Variants in FBLIM1 observed in about 807,000 individuals in gnomAD.
FBLIM1 encodes filamin-binding LIM protein 1.
FBLIM1 carries 29 observed loss-of-function variants against 37.4 expected under a neutral mutation model. That is an observed-to-expected ratio of 0.77 (90% CI 0.58 to 1.06). The LOEUF (loss-of-function observed/expected upper bound fraction) is 1.06, where lower values mean the gene tolerates loss of function less well. FBLIM1 is among the 50% of genes least tolerant of loss of function. The probability of loss-of-function intolerance (pLI) is 0.00; values close to 1 mark genes in which losing one functional copy is unlikely to be tolerated. For missense variants in FBLIM1, 449 were observed against 505.6 expected (o/e 0.89, Z 1.07); for synonymous variants, 193 against 199.0 (o/e 0.97, Z 0.25).
chr1:15,762,263 T>G (rs767414795), intron 1 of FBLIM1, among the ~76,000 whole-genome samples: 21 of 63,582 alleles, frequency 3.3e-4, no homozygotes, highest in Non-Finnish European at 6.0e-4. Flanking sequence ...CTAATTTGTT[T>G]TTTTTTTTTT....
chr1:15,777,048 CCA>C (rs2069515127), intron 7 of FBLIM1, 120 bp from the exon 8 acceptor site: 1 of 723,244 alleles, frequency 1.4e-6, no homozygotes, highest in African/African-American at 1.8e-5. Context: ...CTCTGCAGTC[CCA>C]TAGCAACGGG....
At chr1:15,783,385 G>T (rs1569882903) in intron 8 of FBLIM1, among the ~76,000 whole-genome samples, 1 of 152,110 alleles carries the variant, frequency 6.6e-6, no homozygotes, top group East Asian at 1.9e-4. Context: ...GACCCAGTCT[G>T]GTCCCAGCTC....
At position 15,759,828 on chromosome 1, in the gene FBLIM1, C is replaced by A. The variant is rs1432579575; in HGVS notation, c.-211+980C>A. ...GGGGTGGGAAAGAGGTTGAGGGAAC[C>A]CCTCCCCTAAGTTGCAGGGTGGGAG... On this transcript the variant is annotated intron_variant, in intron 1 of 8. Transcript: ENST00000375766. Among the ~76,000 whole-genome samples the A allele has an allele frequency of 2.0e-5, 3 of 152,276 alleles. No individual in the cohort carries two copies. The East Asian group carries it at 5.8e-4, about 29-fold the overall frequency.
chr1:15,776,793 T>C (rs1569859633), intron 7 of FBLIM1, among the ~76,000 whole-genome samples: 1 of 128,380 alleles, frequency 7.8e-6, no homozygotes, highest in Admixed American at 9.6e-5. Flanking sequence ...ACCTGGGAGG[T>C]GGAGGTTGCA....
chr1:15,781,390 T>C (rs1309645904), intron 8 of FBLIM1, among the ~76,000 whole-genome samples: 1 of 151,554 alleles, frequency 6.6e-6, no homozygotes. Context: ...GGCGCACACC[T>C]GTAGTCCCAG....
At chr1:15,775,263 G>C in intron 7 of FBLIM1, 1 of 173,922 alleles carries the variant, frequency 5.7e-6, no homozygotes, top group Non-Finnish European at 1.2e-5. Context: ...AGTGCTGGGG[G>C]CAGTGGCTCA....
intron 8 of FBLIM1, among the ~76,000 whole-genome samples, chr1:15,777,572 ATTTTTTT>A (rs35178526): frequency 3.3e-5 from 4 of 121,588 alleles, no homozygotes; most frequent in East Asian, 4.6e-4. Flanking sequence ...GACTCTCTCC[ATTTTTTT>A]TTTTTTTTTT....
At chr1:15,768,763 T>C in intron 5 of FBLIM1, 133 bp downstream of exon 5, 1 of 514,176 alleles carries the variant, frequency 1.9e-6, no homozygotes, top group African/African-American at 2.0e-5. Context: ...ATGGGCTTTG[T>C]AGTTCGGCAT....
At chr1:15,778,549 A>G (rs2069555753) in intron 8 of FBLIM1, among the ~76,000 whole-genome samples, 1 of 152,166 alleles carries the variant, frequency 6.6e-6, no homozygotes, top group Non-Finnish European at 1.5e-5. Flanking sequence ...CCAGATATTC[A>G]TAGAGGGGAG....
chr1:15,773,675 G>C lies in FBLIM1; in HGVS notation c.712-943G>C, dbSNP rs531283783. 3.0e-5 allele frequency among the ~76,000 whole-genome samples: 3 copies of C among 99,082 alleles called. No homozygotes were observed. The South Asian group carries it at 1.2e-3, about 40-fold the overall frequency. 65.0% of individuals were successfully genotyped at this position (99,082 alleles called of 152,430 possible). A position where few individuals can be genotyped will look rare whatever the true frequency, so the allele number is the denominator to read the frequency against. ...GCCTGATTGACAAGAGCAAAACTCC[G>C]TCTCAGAAAAAAAAAAAAAAAAAAA... On this transcript the variant is annotated intron_variant, in intron 6 of 8. Transcript: ENST00000375766.
chr1:15,773,611 C>T (rs1335849132), intron 6 of FBLIM1, among the ~76,000 whole-genome samples: 3 of 141,652 alleles, frequency 2.1e-5, no homozygotes, highest in African/African-American at 8.0e-5. Context: ...ACCCGGGAAA[C>T]GAGGTTGTGG....
Position 15,784,946 on chromosome 1 carries a change from C to G in FBLIM1, c.*285C>G, listed in dbSNP as rs1486547858. On this transcript the variant is annotated 3_prime_UTR_variant, in exon 9 of 9. Coordinates refer to ENST00000375766, the MANE Select transcript of FBLIM1 (RefSeq NM_017556.4). ...GGGAAAAGCTGGGGGAGGTTGGACCCCTCTCACTGACTAGCTGTCTGGTAG... is the reference window on the plus strand; with the variant it reads ...GGGAAAAGCTGGGGGAGGTTGGACCGCTCTCACTGACTAGCTGTCTGGTAG... 1 of 325,854 alleles carries G rather than the reference C, an allele frequency of 3.1e-6. No individual in the cohort carries two copies. The highest frequency in any genetic ancestry group is 2.0e-5 in the African/African-American group (1 of 48,824). 20.2% of individuals were successfully genotyped at this position (325,854 alleles called of 1,614,324 possible). A position where few individuals can be genotyped will look rare whatever the true frequency, so the allele number is the denominator to read the frequency against.
At chr1:15,767,276 G>T in intron 3 of FBLIM1, 100 bp from the exon 4 acceptor site, 1 of 1,086,006 alleles carries the variant, frequency 9.2e-7, no homozygotes, top group East Asian at 2.9e-5. Flanking sequence ...GATCCCGACC[G>T]GGGCCCTCAG....
chr1:15,786,104 C>G lies in FBLIM1; in HGVS notation c.*1443C>G, dbSNP rs1217202755. The G allele has an allele frequency of 6.6e-6, 1 of 152,268 alleles. No individual in the cohort carries two copies. Among genetic ancestry groups the G allele is most frequent in the Non-Finnish European group, 1.5e-5 (1 of 68,078 alleles). The allele number at this position is 152,268 out of a possible 1,614,324, so 9.4% of individuals were successfully genotyped here. A position where few individuals can be genotyped will look rare whatever the true frequency, so the allele number is the denominator to read the frequency against. ...TTATGACCTCAAGTCCTACTTGGGC[C>G]CTGCAGCCCAGCCTGTGTTGTAACC... On this transcript the variant is annotated 3_prime_UTR_variant, in exon 9 of 9. Coordinates refer to ENST00000375766, the MANE Select transcript of FBLIM1 (RefSeq NM_017556.4).
Position 15,764,976 on chromosome 1 carries a change from C to T in FBLIM1, c.-8C>T. The T allele has an allele frequency of 6.2e-7, 1 of 1,610,126 alleles. No homozygotes were observed. The highest frequency in any genetic ancestry group is 2.2e-5 in the East Asian group (1 of 44,844). On this transcript the variant is annotated 5_prime_UTR_variant, in exon 3 of 9. Coordinates refer to ENST00000375766, the MANE Select transcript of FBLIM1 (RefSeq NM_017556.4). ...ACTCTGTCCCTAGCCACACCAGGAG[C>T]TGAAGCCATGGCCTCAAAGCCTGAG...
At chr1:15,757,706 G>A (rs2068477123), upstream of FBLIM1, among the ~76,000 whole-genome samples, 1 of 146,794 alleles carries the variant, frequency 6.8e-6, no homozygotes, top group African/African-American at 2.5e-5. This position sits in a 1 kb window ranked among gnomAD's most constrained non-coding sequence, Gnocchi z 4.1. Context: ...TGGGTCCAGC[G>A]CTCCTCAAGC....
Position 15,774,780 on chromosome 1 carries a change from C to T in FBLIM1, c.874C>T (p.Leu292=). The change falls in exon 7 of 9, where the codon CTG becomes TTG. Residue 292 remains leucine (L), a synonymous_variant. Coordinates refer to ENST00000375766, the MANE Select transcript of FBLIM1 (RefSeq NM_017556.4). The part of the protein sequence containing the change: ...ALGSQNEVYC[L]DDFYRKFAPV... ...GGGCAGCCAGAACGAGGTGTACTGC[C>T]TGGACGACTTCTACAGGTACGAGAA... 5 of 1,614,156 alleles carry T rather than the reference C, an allele frequency of 3.1e-6. No homozygotes were observed. Among genetic ancestry groups the T allele is most frequent in the Non-Finnish European group, 4.2e-6 (5 of 1,180,018 alleles).
At chr1:15,773,794 G>A (rs1383269855) in intron 6 of FBLIM1, among the ~76,000 whole-genome samples, 1 of 151,330 alleles carries the variant, frequency 6.6e-6, no homozygotes, top group East Asian at 1.9e-4. Flanking sequence ...CATCCAAACA[G>A]AAGGAAAATC....
rs1486512289 is a variant in FBLIM1, at chr1:15,758,816, C to T, written c.-243C>T. ...CTCCGGGCTCCGCTGGCTCGGGCGTCGGATCGGAGCCGCCGGGGCGCGGGC... is the reference window on the plus strand; with the variant it reads ...CTCCGGGCTCCGCTGGCTCGGGCGTTGGATCGGAGCCGCCGGGGCGCGGGC... On this transcript the variant is annotated 5_prime_UTR_variant, in exon 1 of 9. Coordinates refer to ENST00000375766, the MANE Select transcript of FBLIM1 (RefSeq NM_017556.4). The surrounding 1 kb of genome is among the most constrained non-coding windows in gnomAD (Gnocchi z 6.2). The T allele has an allele frequency of 8.2e-6, 1 of 121,814 alleles. No homozygotes were observed. Among genetic ancestry groups the T allele is most frequent in the Middle Eastern group, 4.1e-3 (1 of 242 alleles). 7.5% of individuals were successfully genotyped at this position (121,814 alleles called of 1,614,324 possible). A position where few individuals can be genotyped will look rare whatever the true frequency, so the allele number is the denominator to read the frequency against.
Sources: allele counts gnomAD v4.1 joint callset (sites outside exome capture counted in the v4.1 genomes callset), GRCh38; gene constraint gnomAD v4.1.1; non-coding constraint Gnocchi (gnomAD v3.1); transcripts MANE v1.5; gene names NCBI Gene and HGNC (gene_info 2026-07-23, HGNC 2026-07-21).